SHISA8: variants seen among roughly 807,000 people sequenced by gnomAD.
The protein encoded by SHISA8 is protein shisa-8.
SHISA8 carries 21 observed loss-of-function variants against 21.1 expected under a neutral mutation model. That is an observed-to-expected ratio of 0.99 (90% CI 0.71 to 1.43). The LOEUF (loss-of-function observed/expected upper bound fraction) is 1.43, where lower values mean the gene tolerates loss of function less well. Ranked by LOEUF, SHISA8 falls within the 40% of genes most tolerant of loss-of-function variation. The pLI is 0.00. For missense variants in SHISA8, 535 were observed against 599.1 expected (o/e 0.89, Z 1.12); for synonymous variants, 300 against 291.4 (o/e 1.03, Z -0.30).
In SHISA8 at chr22:41,910,084, G is replaced by C. The variant is rs947272399; in HGVS notation, c.875C>G (p.Pro292Arg). The change falls in exon 4 of 4, where the codon CCG becomes CGG. Residue 292 changes from proline (P) to arginine (R), a missense_variant. Transcript: ENST00000621082. This position sits in a 1 kb window ranked among gnomAD's most constrained non-coding sequence, Gnocchi z 6.8. ...CGGGGATGGTCGCGGAGCCCGCGCC[G>C]GGGGTTGCCGCGGGGACGGCTCGAG... ...PALEPSPRQP[P>R]ARAPRPSPDL... 2.4e-5 allele frequency: 30 copies of C among 1,239,660 alleles called. No homozygotes were observed. The South Asian group carries it at 9.7e-4, about 40-fold the overall frequency. The allele number at this position is 1,239,660 out of a possible 1,614,324, so 76.8% of individuals were successfully genotyped here. A position where few individuals can be genotyped will look rare whatever the true frequency, so the allele number is the denominator to read the frequency against.
Position 41,910,481 on chromosome 22 carries a change from G to T in SHISA8, c.738C>A (p.Gly246=), listed in dbSNP as rs1346460824. The change falls in exon 3 of 4, where the codon GGC becomes GGA. Residue 246 remains glycine, a synonymous_variant. Transcript: ENST00000621082. This position sits in a 1 kb window ranked among gnomAD's most constrained non-coding sequence, Gnocchi z 6.8. ...PGPPRGPRLQ[G]GGSLTLQPDY... is the part of the protein sequence containing the mutation. ...CTGGCTGCAGCGTCAGGCTGCCGCC[G>T]CCCTGCAGCCGCGGGCCGCGCGGGG... 6 of 1,273,406 alleles carry T rather than the reference G, an allele frequency of 4.7e-6. No individual in the cohort carries two copies. In the African/African-American group the frequency reaches 9.3e-5, roughly 20 times the overall value. The allele number at this position is 1,273,406 out of a possible 1,614,324, so 78.9% of individuals were successfully genotyped here. A position where few individuals can be genotyped will look rare whatever the true frequency, so the allele number is the denominator to read the frequency against.
rs565675704 is a variant in SHISA8 at position 41,910,660 on chromosome 22, G to A, written c.665-106C>T. On this transcript the variant is annotated intron_variant, in intron 2 of 3. Coordinates refer to ENST00000621082, the MANE Select transcript of SHISA8 (RefSeq NM_001207020.3). The surrounding 1 kb of genome is among the most constrained non-coding windows in gnomAD (Gnocchi z 6.8). ...CCCGAGGCCGTTCGGTGAGAACCTGGGGGACCGTTCTCCGGGCGAGGCTGC... is the reference window on the plus strand; with the variant it reads ...CCCGAGGCCGTTCGGTGAGAACCTGAGGGACCGTTCTCCGGGCGAGGCTGC... The A allele has an allele frequency of 1.0e-5, 12 of 1,174,146 alleles. No individual in the cohort carries two copies. In the East Asian group the frequency reaches 3.8e-4, roughly 37 times the overall value. The allele number at this position is 1,174,146 out of a possible 1,614,324, so 72.7% of individuals were successfully genotyped here.
intron 1 of SHISA8, among the ~76,000 whole-genome samples, chr22:41,912,913 G>A (rs759909912): frequency 5.3e-5 from 8 of 152,174 alleles, no homozygotes; most frequent in Non-Finnish European, 1.0e-4. Flanking sequence ...CCTCACCATC[G>A]CAGCCCTAAG....
chr22:41,910,811 C>T lies in SHISA8; in HGVS notation c.665-257G>A, dbSNP rs938900307. 6.6e-6 allele frequency among the ~76,000 whole-genome samples: 1 copy of T among 152,104 alleles called. No individual in the cohort carries two copies. ...TCATGAACGGCTCGCCCGGAGGCGACGCTCGAGCCAGGCGCGGAGTCCTGG... is the reference window on the plus strand; with the variant it reads ...TCATGAACGGCTCGCCCGGAGGCGATGCTCGAGCCAGGCGCGGAGTCCTGG... On this transcript the variant is annotated intron_variant, in intron 2 of 3. Transcript: ENST00000621082. This position sits in a 1 kb window ranked among gnomAD's most constrained non-coding sequence, Gnocchi z 6.8.
intron 1 of SHISA8, among the ~76,000 whole-genome samples, chr22:41,913,162 G>A (rs942775443): frequency 7.9e-5 from 12 of 152,242 alleles, no homozygotes; most frequent in Admixed American, 5.2e-4. Context: ...TTTCGGGAGC[G>A]AGGGGTGCTG....
Position 41,909,636 on chromosome 22 carries a change from C to G in SHISA8, c.*129G>C, listed in dbSNP as rs908808452. 5.5e-6 allele frequency: 7 copies of G among 1,262,682 alleles called. No individual in the cohort carries two copies. The highest frequency in any genetic ancestry group is 7.1e-6 in the Non-Finnish European group (7 of 986,834). 78.2% of individuals were successfully genotyped at this position (1,262,682 alleles called of 1,614,324 possible). ...AGACGAACCCGCGGCCTGCAGGCTC[C>G]AAGACACCACTGCCGTTGAGGCAGA... On this transcript the variant is annotated 3_prime_UTR_variant, in exon 4 of 4. Coordinates refer to ENST00000621082, the MANE Select transcript of SHISA8 (RefSeq NM_001207020.3).
Position 41,914,524 on chromosome 22 carries a change from C to A in SHISA8, c.144G>T (p.Ala48=). 3.3e-6 allele frequency: 4 copies of A among 1,209,180 alleles called. No homozygotes were observed. Among genetic ancestry groups the A allele is most frequent in the Non-Finnish European group, 4.1e-6 (4 of 973,550 alleles). 74.9% of individuals were successfully genotyped at this position (1,209,180 alleles called of 1,614,324 possible). A position where few individuals can be genotyped will look rare whatever the true frequency, so the allele number is the denominator to read the frequency against. The change falls in exon 1 of 4, where the codon GCG becomes GCT. Residue 48 remains alanine (A), a synonymous_variant. Transcript: ENST00000621082. The surrounding 1 kb of genome is among the most constrained non-coding windows in gnomAD (Gnocchi z 6.8). ...CCCCCTCCGGGGCTGTCGTGCCGGG[C>A]GCCGCGGGACCCTGCGCCTCGGGGG... ...AGAPEAQGPA[A]PGTTAPEGGD... is the part of the protein sequence containing the mutation.
In SHISA8 at chr22:41,910,375, G is replaced by A. The variant is rs1319910378; in HGVS notation, c.811+33C>T. ...CGCAGTCCGGGAGCTCGTGCGCCCAGGTGCCCTGACGCTGCCCGCACCCGC... is the reference window on the plus strand; with the variant it reads ...CGCAGTCCGGGAGCTCGTGCGCCCAAGTGCCCTGACGCTGCCCGCACCCGC... On this transcript the variant is annotated intron_variant, in intron 3 of 3. Transcript: ENST00000621082. This position sits in a 1 kb window ranked among gnomAD's most constrained non-coding sequence, Gnocchi z 6.8. The A allele has an allele frequency of 2.1e-6, 2 of 946,774 alleles. No homozygotes were observed. The highest frequency in any genetic ancestry group is 3.3e-5 in the African/African-American group (2 of 60,096). 58.6% of individuals were successfully genotyped at this position (946,774 alleles called of 1,614,324 possible). A position where few individuals can be genotyped will look rare whatever the true frequency, so the allele number is the denominator to read the frequency against.
At chr22:41,913,685 A>C (rs2077565793) in intron 1 of SHISA8, among the ~76,000 whole-genome samples, 1 of 151,746 alleles carries the variant, frequency 6.6e-6, no homozygotes, top group South Asian at 2.1e-4. Context: ...GGGGCAGGGG[A>C]GAGGCAGGAG....
chr22:41,914,382 C>G lies in SHISA8; in HGVS notation c.286G>C (p.Asp96His). 2 of 1,306,704 alleles carry G rather than the reference C, an allele frequency of 1.5e-6. No individual in the cohort carries two copies. Among genetic ancestry groups the G allele is most frequent in the Middle Eastern group, 2.3e-4 (1 of 4,430 alleles). The allele number at this position is 1,306,704 out of a possible 1,614,324, so 80.9% of individuals were successfully genotyped here. Reference sequence around the variant, plus strand: ...CTCTGGTCGAGGCGCCGCGGCCCGTCGTGGCAGCAGAAGCGGTAGCCGCAC... The same window carrying G: ...CTCTGGTCGAGGCGCCGCGGCCCGTGGTGGCAGCAGAAGCGGTAGCCGCAC... ...GTCGYRFCCH[D>H]GPRRLDQSRC... The change falls in exon 1 of 4, where the codon GAC becomes CAC. Residue 96 changes from aspartate (D) to histidine (H), a missense_variant. By Grantham distance (81) the Asp-to-His change is moderately conservative. Transcript: ENST00000621082. The surrounding 1 kb of genome is among the most constrained non-coding windows in gnomAD (Gnocchi z 6.8).
chr22:41,910,183 C>A lies in SHISA8; in HGVS notation c.812-36G>T. ...AGGGCAGGGAAGAGTGACGCCGCGC[C>A]GAGCACCCAAGCTCAGGACTGGACA... is the stretch of plus-strand genomic sequence containing the variant. On this transcript the variant is annotated intron_variant, in intron 3 of 3. Transcript: ENST00000621082. This position sits in a 1 kb window ranked among gnomAD's most constrained non-coding sequence, Gnocchi z 6.8. 1 of 1,228,864 alleles carries A rather than the reference C, an allele frequency of 8.1e-7. No individual in the cohort carries two copies. The highest frequency in any genetic ancestry group is 4.0e-5 in the South Asian group (1 of 25,046). 76.1% of individuals were successfully genotyped at this position (1,228,864 alleles called of 1,614,324 possible). A position where few individuals can be genotyped will look rare whatever the true frequency, so the allele number is the denominator to read the frequency against.
intron 1 of SHISA8, among the ~76,000 whole-genome samples, chr22:41,912,073 C>T (rs910907537): frequency 1.3e-5 from 2 of 152,196 alleles, no homozygotes; most frequent in Admixed American, 6.5e-5. Context: ...CCCCTGCAGC[C>T]GCGGCTTCTG....
chr22:41,912,135 C>T (rs777139861), intron 1 of SHISA8, among the ~76,000 whole-genome samples: 14 of 152,200 alleles, frequency 9.2e-5, no homozygotes, highest in African/African-American at 1.4e-4. Flanking sequence ...AGATGGGTGA[C>T]GGAATGGGGA....
chr22:41,910,455 T>C lies in SHISA8; in HGVS notation c.764A>G (p.Asp255Gly). ...CTTGAACGTGGCGTACTTGGCGTAG[T>C]CTGGCTGCAGCGTCAGGCTGCCGCC... ...QGGGSLTLQP[D>G]YAKYATFKAA... Residue 255 changes from aspartate to glycine, a missense_variant, in exon 3 of 4, where the codon GAC (aspartate) becomes GGC (glycine). Asp to Gly is a moderately conservative substitution (Grantham distance 94, BLOSUM62 -1). Transcript: ENST00000621082. The surrounding 1 kb of genome is among the most constrained non-coding windows in gnomAD (Gnocchi z 6.8). 7.5e-7 allele frequency: 1 copy of C among 1,334,362 alleles called. No individual in the cohort carries two copies. Among genetic ancestry groups the C allele is most frequent in the Non-Finnish European group, 9.6e-7 (1 of 1,044,800 alleles). The allele number at this position is 1,334,362 out of a possible 1,614,324, so 82.7% of individuals were successfully genotyped here.
Position 41,910,085 on chromosome 22 carries a change from G to C in SHISA8, c.874C>G (p.Pro292Ala). ...PALEPSPRQPPARAPRPSPDL... is the reference protein window; with the variant it reads ...PALEPSPRQPAARAPRPSPDL... ...GGGGATGGTCGCGGAGCCCGCGCCGGGGGTTGCCGCGGGGACGGCTCGAGG... is the reference window on the plus strand; with the variant it reads ...GGGGATGGTCGCGGAGCCCGCGCCGCGGGTTGCCGCGGGGACGGCTCGAGG... Residue 292 changes from proline to alanine, a missense_variant, in exon 4 of 4, where the codon CCG becomes GCG. Pro to Ala is a conservative substitution (Grantham distance 27). Transcript: ENST00000621082. This position sits in a 1 kb window ranked among gnomAD's most constrained non-coding sequence, Gnocchi z 6.8. The C allele has an allele frequency of 8.1e-7, 1 of 1,239,902 alleles. No individual in the cohort carries two copies. The highest frequency in any genetic ancestry group is 1.6e-5 in the African/African-American group (1 of 64,260). 76.8% of individuals were successfully genotyped at this position (1,239,902 alleles called of 1,614,324 possible). A position where few individuals can be genotyped will look rare whatever the true frequency, so the allele number is the denominator to read the frequency against.
At position 41,910,273 on chromosome 22, in the gene SHISA8, G is replaced by T; in HGVS notation, c.812-126C>A. ...GGCGGGCCGGGGGCGGGGCCCGCTG[G>T]GGCGAGGGAGCCGATTGGCCGAGCG... On this transcript the variant is annotated intron_variant, in intron 3 of 3. Transcript: ENST00000621082. The surrounding 1 kb of genome is among the most constrained non-coding windows in gnomAD (Gnocchi z 6.8). The T allele has an allele frequency of 8.1e-7, 1 of 1,227,490 alleles. No homozygotes were observed. Among genetic ancestry groups the T allele is most frequent in the Non-Finnish European group, 1.0e-6 (1 of 983,434 alleles). 76.0% of individuals were successfully genotyped at this position (1,227,490 alleles called of 1,614,324 possible).
chr22:41,911,110 T>G, intron 2 of SHISA8, 106 bp downstream of exon 2: 10 of 1,219,732 alleles, frequency 8.2e-6, no homozygotes, highest in Non-Finnish European at 9.2e-6. Flanking sequence ...CCGCGGCTCA[T>G]TTCCACCGGG....
chr22:41,911,586 C>T lies in SHISA8; in HGVS notation c.531-237G>A, dbSNP rs183205834. On this transcript the variant is annotated intron_variant, in intron 1 of 3. Transcript: ENST00000621082. ...GTCAGGAAACTCTAATGAGGCTCCC[C>T]TTCCCTCCCCTCCCCTCCCTGGAGC... Among the ~76,000 whole-genome samples, 260 of 152,256 alleles carry T rather than the reference C, an allele frequency of 1.7e-3. 1 individual carries two copies. Among genetic ancestry groups the T allele is most frequent in the African/African-American group, 5.7e-3 (237 of 41,544 alleles).
intron 1 of SHISA8, among the ~76,000 whole-genome samples, chr22:41,913,784 C>T (rs958043406): frequency 4.6e-5 from 7 of 152,236 alleles, no homozygotes; most frequent in Middle Eastern, 3.4e-3. Flanking sequence ...CCAAGACGCC[C>T]GGTCACCTCC....
Sources: gnomAD v4.1 joint callset for allele counts (sites outside exome capture counted in the v4.1 genomes callset) on GRCh38, gnomAD v4.1.1 for gene constraint, Gnocchi (gnomAD v3.1) non-coding constraint, MANE v1.5 for transcripts, NCBI Gene and HGNC (gene_info 2026-07-23, HGNC 2026-07-21) for gene names.